The following GNA13 variants were observed in gnomAD, a reference collection of about 807,000 sequenced individuals.
GNA13 encodes G protein subunit alpha 13.
A neutral mutation model predicts 33.5 loss-of-function variants in GNA13; 4 were observed. The ratio of observed to expected loss-of-function variants is 0.12; its 90% CI spans 0.06 to 0.27. The LOEUF is 0.27. Among genes scored for constraint, GNA13 ranks in the 10% least tolerant of loss-of-function variants. The pLI, the probability that GNA13 is intolerant of heterozygous loss-of-function variation, is 1.00. For missense variants in GNA13, 319 were observed against 487.2 expected (o/e 0.65, Z 3.25); for synonymous variants, 176 against 183.8 (o/e 0.96, Z 0.34).
At chr17:65,043,709 T>C (rs1907545630) in intron 2 of GNA13, among the ~76,000 whole-genome samples, 1 of 152,106 alleles carries the variant, frequency 6.6e-6, no homozygotes, top group East Asian at 1.9e-4. Context: ...AGGCCAGGAC[T>C]GATAAAAAAT....
intron 2 of GNA13, among the ~76,000 whole-genome samples, chr17:65,044,274 T>C (rs1907573898): frequency 6.6e-6 from 1 of 152,226 alleles, no homozygotes; most frequent in Non-Finnish European, 1.5e-5. Flanking sequence ...AAAACAAAAC[T>C]ATTTTCTTGA....
intron 2 of GNA13, among the ~76,000 whole-genome samples, chr17:65,037,792 A>AAAAAAAAAAAAAAAAAC (rs1907308074): frequency 2.0e-5 from 3 of 149,824 alleles, no homozygotes; most frequent in Non-Finnish European, 4.5e-5. Flanking sequence ...AAAAAAAAAA[A>AAAAAAAAAAAAAAAAAC]AAAAAAAAGA....
At chr17:65,055,752 C>G in intron 1 of GNA13, 1 of 985,498 alleles carries the variant, frequency 1.0e-6, no homozygotes, top group African/African-American at 1.7e-5. Flanking sequence ...GACAAGAAGT[C>G]TCGGGCAAAA....
chr17:65,028,624 T>C (rs1047030270), intron 2 of GNA13, among the ~76,000 whole-genome samples: 10 of 152,276 alleles, frequency 6.6e-5, no homozygotes, highest in African/African-American at 2.4e-4. Context: ...CTGTTTCATG[T>C]GTCATGAGAG....
intron 1 of GNA13, chr17:65,055,855 G>C (rs1475331224): frequency 1.6e-6 from 1 of 621,616 alleles, no homozygotes; most frequent in South Asian, 7.1e-5. Context: ...CATGTGACTC[G>C]GGTCACCCAG....
At chr17:65,043,450 C>A (rs1252822880) in intron 2 of GNA13, among the ~76,000 whole-genome samples, 1 of 152,070 alleles carries the variant, frequency 6.6e-6, no homozygotes, top group Non-Finnish European at 1.5e-5. Context: ...CCATGCTCAA[C>A]TAATTTTTGC....
rs1034665151 is a variant in GNA13 at position 65,009,797 on chromosome 17, G to A, written c.*4460C>T. ...TTTGTTGCACTGTTGCTTATACTGTGCAAGAATTAATCTCTACCCCTTTCT... is the reference window on the plus strand; with the variant it reads ...TTTGTTGCACTGTTGCTTATACTGTACAAGAATTAATCTCTACCCCTTTCT... On this transcript the variant is annotated 3_prime_UTR_variant, in exon 4 of 4. Transcript: ENST00000439174. Among the ~76,000 whole-genome samples the A allele has an allele frequency of 2.6e-5, 4 of 152,170 alleles. No individual in the cohort carries two copies. Among genetic ancestry groups the A allele is most frequent in the Non-Finnish European group, 4.4e-5 (3 of 68,022 alleles).
intron 2 of GNA13, among the ~76,000 whole-genome samples, chr17:65,027,058 G>A (rs533200353): frequency 1.3e-5 from 2 of 152,160 alleles, no homozygotes; most frequent in African/African-American, 2.4e-5. Flanking sequence ...GATTACAGGC[G>A]TGAGCCACCG....
intron 3 of GNA13, among the ~76,000 whole-genome samples, chr17:65,017,848 A>G (rs1906426822): frequency 1.3e-5 from 2 of 152,170 alleles, no homozygotes; most frequent in South Asian, 2.1e-4. Context: ...ACTAAAGTAT[A>G]ACAGATAATG....
rs990995563 is a variant in GNA13, at chr17:65,011,052, T to C, written c.*3205A>G. On this transcript the variant is annotated 3_prime_UTR_variant, in exon 4 of 4. Coordinates refer to ENST00000439174, the MANE Select transcript of GNA13 (RefSeq NM_006572.6). ...GTATTAATGCTGAAAATACATTTTATCAAAAGCATAAATACAAGTATTTGG... is the reference window on the plus strand; with the variant it reads ...GTATTAATGCTGAAAATACATTTTACCAAAAGCATAAATACAAGTATTTGG... 2.5e-5 allele frequency: 5 copies of C among 203,552 alleles called. No homozygotes were observed. The highest frequency in any genetic ancestry group is 4.0e-5 in the Non-Finnish European group (4 of 99,352). 12.6% of individuals were successfully genotyped at this position (203,552 alleles called of 1,614,324 possible).
At chr17:65,031,921 A>AGTGTGTGTGTGTGTGTGTGT (rs148637639) in intron 2 of GNA13, among the ~76,000 whole-genome samples, 14 of 91,618 alleles carry the variant, frequency 1.5e-4, no homozygotes, top group Non-Finnish European at 2.2e-4. Context: ...AGAGAGAGAG[A>AGTGTGTGTGTGTGTGTGTGT]GTGTGTGTGT....
At chr17:65,027,339 G>GT (rs1466314086) in intron 2 of GNA13, among the ~76,000 whole-genome samples, 1 of 145,222 alleles carries the variant, frequency 6.9e-6, no homozygotes, top group Non-Finnish European at 1.5e-5. Flanking sequence ...AAAGAGATAG[G>GT]TTTTCACTAT....
At chr17:65,031,508 A>G (rs560675403) in intron 2 of GNA13, among the ~76,000 whole-genome samples, 1 of 152,364 alleles carries the variant, frequency 6.6e-6, no homozygotes, top group South Asian at 2.1e-4. Flanking sequence ...AAGAGGAAAA[A>G]GAATCAAGTG....
At chr17:65,026,147 A>C (rs1486420213) in intron 2 of GNA13, among the ~76,000 whole-genome samples, 2 of 151,714 alleles carry the variant, frequency 1.3e-5, no homozygotes, top group Non-Finnish European at 2.9e-5. Flanking sequence ...AAAACTATAC[A>C]ATTTTCTATA....
In GNA13 at chr17:65,031,900, G is replaced by A. The variant is rs28672795; in HGVS notation, c.511-13597C>T. Reference sequence around the variant, plus strand: ...AGAGAGAGAGAGAGAGAGAGAAAGAGAGAGAGAGAGAGAGAGAGAGAGTGT... The same window carrying A: ...AGAGAGAGAGAGAGAGAGAGAAAGAAAGAGAGAGAGAGAGAGAGAGAGTGT... On this transcript the variant is annotated intron_variant, in intron 2 of 3. Transcript: ENST00000439174. Among the ~76,000 whole-genome samples, 448 of 139,566 alleles carry A rather than the reference G, an allele frequency of 3.2e-3. 3 individuals are homozygous for A. Among genetic ancestry groups the A allele is most frequent in the African/African-American group, 0.013 (432 of 32,160 alleles). The allele number at this position is 139,566 out of a possible 152,430, so 91.6% of individuals were successfully genotyped here. A position where few individuals can be genotyped will look rare whatever the true frequency, so the allele number is the denominator to read the frequency against.
At chr17:65,038,528 T>C (rs1907343230) in intron 2 of GNA13, among the ~76,000 whole-genome samples, 1 of 152,148 alleles carries the variant, frequency 6.6e-6, no homozygotes, top group Non-Finnish European at 1.5e-5. Context: ...TGCTCCCACC[T>C]CAGCTCTGAG....
In GNA13 at chr17:65,025,843, G is replaced by A. The variant is rs573395266; in HGVS notation, c.511-7540C>T. Among the ~76,000 whole-genome samples the A allele has an allele frequency of 9.2e-4, 140 of 151,680 alleles. 1 individual carries two copies. Among genetic ancestry groups the A allele is most frequent in the African/African-American group, 3.2e-3 (133 of 41,332 alleles). ...AAAAAAAAAAAAAAAAAAATTAGCC[G>A]GGTGTGGTGGTGCACGCCTGTGGTC... On this transcript the variant is annotated intron_variant, in intron 2 of 3. Transcript: ENST00000439174.
chr17:65,056,278 C>CA, intron 1 of GNA13, 33 bp downstream of exon 1: 28 of 1,511,360 alleles, frequency 1.9e-5, no homozygotes, highest in Non-Finnish European at 2.4e-5. Context: ...CCCCCCTGCC[C>CA]TTAACCCCCG....
Position 65,014,247 on chromosome 17 carries a change from C to T in GNA13, c.*10G>A. 6.7e-7 allele frequency: 1 copy of T among 1,488,808 alleles called. No homozygotes were observed. Among genetic ancestry groups the T allele is most frequent in the Non-Finnish European group, 9.3e-7 (1 of 1,075,872 alleles). The allele number at this position is 1,488,808 out of a possible 1,614,324, so 92.2% of individuals were successfully genotyped here. A position where few individuals can be genotyped will look rare whatever the true frequency, so the allele number is the denominator to read the frequency against. ...ACAAAAAGATATTAAAACAGCAAGT[C>T]TTTTGTACATCACTGTAGCATAAGC... On this transcript the variant is annotated 3_prime_UTR_variant, in exon 4 of 4. Coordinates refer to ENST00000439174, the MANE Select transcript of GNA13 (RefSeq NM_006572.6). This position sits in a 1 kb window ranked among gnomAD's most constrained non-coding sequence, Gnocchi z 5.3.
Sources: gnomAD v4.1 joint callset for allele counts (sites outside exome capture counted in the v4.1 genomes callset) on GRCh38, gnomAD v4.1.1 for gene constraint, Gnocchi (gnomAD v3.1) non-coding constraint, MANE v1.5 for transcripts, NCBI Gene and HGNC (gene_info 2026-07-23, HGNC 2026-07-21) for gene names.